Variants in ARID4B observed in about 807,000 individuals in gnomAD.
ARID4B encodes the protein AT-rich interactive domain-containing protein 4B.
ARID4B carries 26 observed loss-of-function variants against 147.5 expected under a neutral mutation model. That is an observed-to-expected ratio of 0.18 (90% CI 0.13 to 0.24). The LOEUF is 0.24. ARID4B is among the 10% of genes least tolerant of loss of function. The pLI is 1.00. For synonymous variants in ARID4B, 512 were observed against 507.9 expected (o/e 1.01, Z -0.11); for missense variants, 1,179 against 1,511.5 (o/e 0.78, Z 3.65).
At chr1:235,244,514 TA>T (rs888066089) in intron 7 of ARID4B, among the ~76,000 whole-genome samples, 5 of 152,038 alleles carry the variant, frequency 3.3e-5, no homozygotes, top group Admixed American at 2.0e-4. Flanking sequence ...TGATAATCAT[TA>T]AAAAAAGAAA....
chr1:235,302,861 C>T (rs1234405894), intron 2 of ARID4B, among the ~76,000 whole-genome samples: 1 of 152,182 alleles, frequency 6.6e-6, no homozygotes, highest in Non-Finnish European at 1.5e-5. Context: ...ACATTACTTG[C>T]CTAACATCAC....
In ARID4B at chr1:235,223,685, A is replaced by ATTT. The variant is rs58659735; in HGVS notation, c.971-428_971-426dup. ...AATAATGATTCTATAGTAAAGCTAC[A>ATTT]TTTTTTTTTTTTTTTCATTCTAACA... On this transcript the variant is annotated intron_variant, in intron 12 of 23. Coordinates refer to ENST00000264183, the MANE Select transcript of ARID4B (RefSeq NM_016374.6). 3.0e-3 allele frequency among the ~76,000 whole-genome samples: 399 copies of ATTT among 134,656 alleles called. 2 individuals are homozygous for ATTT. The highest frequency in any genetic ancestry group is 7.1e-3 in the African/African-American group (260 of 36,726). 88.3% of individuals were successfully genotyped at this position (134,656 alleles called of 152,430 possible).
At chr1:235,235,445 G>A (rs961002678) in intron 8 of ARID4B, among the ~76,000 whole-genome samples, 8 of 152,300 alleles carry the variant, frequency 5.3e-5, no homozygotes, top group Admixed American at 2.0e-4. Context: ...CCTGATGAGC[G>A]AAGGATTTCG....
chr1:235,188,066 C>A (rs959559475), intron 19 of ARID4B, among the ~76,000 whole-genome samples: 4 of 151,710 alleles, frequency 2.6e-5, no homozygotes, highest in African/African-American at 4.9e-5. Flanking sequence ...AGACTGCACA[C>A]ATGTGAGTGT....
intron 21 of ARID4B, among the ~76,000 whole-genome samples, chr1:235,177,166 T>C (rs1264669400): frequency 6.6e-6 from 1 of 152,240 alleles, no homozygotes; most frequent in Non-Finnish European, 1.5e-5. Context: ...GTTATACTTC[T>C]ATGCTGATTT....
intron 8 of ARID4B, among the ~76,000 whole-genome samples, chr1:235,237,638 C>T (rs377647591): frequency 6.6e-6 from 1 of 152,236 alleles, no homozygotes; most frequent in East Asian, 1.9e-4. Flanking sequence ...GTTTCTTTTT[C>T]ATTTGAGACC....
chr1:235,301,311 G>A (rs1673122508), intron 2 of ARID4B, among the ~76,000 whole-genome samples: 1 of 151,746 alleles, frequency 6.6e-6, no homozygotes, highest in Non-Finnish European at 1.5e-5. Flanking sequence ...GCCAAGGCGG[G>A]AGAATCGCTT....
rs942569141 is a variant in ARID4B, at chr1:235,224,651, C to T, written c.970+52G>A. On this transcript the variant is annotated intron_variant, in intron 12 of 23. Transcript: ENST00000264183. ...AAATTCTATTCTTATTTTTAAGATA[C>T]TAATTATCTGTCCAAAACTTACCAC... 23 of 1,215,706 alleles carry T rather than the reference C, an allele frequency of 1.9e-5. No individual in the cohort carries two copies. In the South Asian group the frequency reaches 2.8e-4, roughly 15 times the overall value. The allele number at this position is 1,215,706 out of a possible 1,614,324, so 75.3% of individuals were successfully genotyped here.
At chr1:235,296,478 CT>C (rs1398872518) in intron 2 of ARID4B, 2 of 116,342 alleles carry the variant, frequency 1.7e-5, no homozygotes, top group Non-Finnish European at 3.8e-5. Flanking sequence ...ATTTATTCTT[CT>C]CTTTTTTTTT....
Position 235,237,932 on chromosome 1 carries a change from C to T in ARID4B, c.585+2381G>A, listed in dbSNP as rs551363953. 5.3e-4 allele frequency among the ~76,000 whole-genome samples: 81 copies of T among 152,124 alleles called. 1 individual carries two copies. Among genetic ancestry groups the T allele is most frequent in the Admixed American group, 4.1e-3 (63 of 15,284 alleles). ...TTGGGAGGCTGAGGCGGGCAGATCACCTGAGGTCAGGAGTTGGAGACCAGC... is the reference window on the plus strand; with the variant it reads ...TTGGGAGGCTGAGGCGGGCAGATCATCTGAGGTCAGGAGTTGGAGACCAGC... On this transcript the variant is annotated intron_variant, in intron 8 of 23. Coordinates refer to ENST00000264183, the MANE Select transcript of ARID4B (RefSeq NM_016374.6).
chr1:235,311,257 G>A (rs1674027400), intron 2 of ARID4B, among the ~76,000 whole-genome samples: 1 of 151,808 alleles, frequency 6.6e-6, no homozygotes. Flanking sequence ...AGAGGCTGAG[G>A]TGGGAGGATC....
rs34808765 is a variant in ARID4B, at chr1:235,176,437, CAAAAAAAAAAAAAAAAAA to C, written c.3449-1056_3449-1039del. On this transcript the variant is annotated intron_variant, in intron 21 of 23. Coordinates refer to ENST00000264183, the MANE Select transcript of ARID4B (RefSeq NM_016374.6). ...CTGATTTTTCACTTAACAACATCAC[CAAAAAAAAAAAAAAAAAA>C]AAAAAAAAAAAAAGGAGTTAAACTC... Among the ~76,000 whole-genome samples the C allele has an allele frequency of 5.8e-4, 13 of 22,522 alleles. 1 individual carries two copies. The highest frequency in any genetic ancestry group is 9.9e-4 in the African/African-American group (10 of 10,062). 14.8% of individuals were successfully genotyped at this position (22,522 alleles called of 152,430 possible). A position where few individuals can be genotyped will look rare whatever the true frequency, so the allele number is the denominator to read the frequency against.
At chr1:235,215,134 C>T (rs1356640131) in intron 16 of ARID4B, among the ~76,000 whole-genome samples, 2 of 152,054 alleles carry the variant, frequency 1.3e-5, no homozygotes, top group Non-Finnish European at 2.9e-5. Context: ...CGTGAGCCAC[C>T]ACACCTGGCC....
intron 12 of ARID4B, among the ~76,000 whole-genome samples, chr1:235,223,881 C>T (rs1572018690): frequency 6.6e-6 from 1 of 151,924 alleles, no homozygotes; most frequent in African/African-American, 2.4e-5. Flanking sequence ...ATTTTCTTTG[C>T]TTTTTCATTT....
chr1:235,326,835 C>G lies in ARID4B; in HGVS notation c.6+79G>C. On this transcript the variant is annotated intron_variant, in intron 2 of 23. Transcript: ENST00000264183. ...CCTTCCTCTGCAAAACTCGGAAGCC[C>G]CACACGACGACCTCGTCGAAACCTC... 3 of 1,564,990 alleles carry G rather than the reference C, an allele frequency of 1.9e-6. No homozygotes were observed. In the South Asian group the frequency reaches 3.3e-5, roughly 17 times the overall value.
At chr1:235,248,551 A>C (rs1669446152) in intron 6 of ARID4B, among the ~76,000 whole-genome samples, 1 of 152,222 alleles carries the variant, frequency 6.6e-6, no homozygotes, top group Non-Finnish European at 1.5e-5. Context: ...CCGAAAATTA[A>C]GGTTGCTCTC....
Position 235,220,497 on chromosome 1 carries a change from A to T in ARID4B, c.1212T>A (p.Phe404Leu), listed in dbSNP as rs754487814. The T allele has an allele frequency of 1.2e-6, 2 of 1,612,436 alleles. No individual in the cohort carries two copies. Among genetic ancestry groups the T allele is most frequent in the Non-Finnish European group, 1.7e-6 (2 of 1,178,840 alleles). ...CAACTTTCTCTGGCAATGCCATCTG[A>T]AATTCAATGTTGGCTGATCTACAGT... ...EEYCRSANIE[F>L]QMALPEKVVN... Residue 404 changes from phenylalanine to leucine, a missense_variant, in exon 15 of 24, where the codon TTT becomes TTA. By Grantham distance (22) the Phe-to-Leu change is conservative. Around this residue, in one of 10 missense-constraint regions of ARID4B, gnomAD observed 204 missense variants for 210.9 expected, o/e 0.97. Coordinates refer to ENST00000264183, the MANE Select transcript of ARID4B (RefSeq NM_016374.6).
chr1:235,254,001 T>C (rs1669799092), intron 5 of ARID4B, among the ~76,000 whole-genome samples: 2 of 152,180 alleles, frequency 1.3e-5, no homozygotes, highest in South Asian at 4.1e-4. Flanking sequence ...CAAGTTACAT[T>C]ATGTGAAACT....
rs1558250449 is a variant in ARID4B, at chr1:235,255,224, TAGATAGATAG to T, written c.274+426_274+435del. Among the ~76,000 whole-genome samples the T allele has an allele frequency of 1.6e-4, 16 of 100,982 alleles. 1 individual carries two copies. The highest frequency in any genetic ancestry group is 6.6e-4 in the Admixed American group (6 of 9,114). 66.2% of individuals were successfully genotyped at this position (100,982 alleles called of 152,430 possible). ...ACTTTGTTTCCTGCTGGGAGCTAGA[TAGATAGATAG>T]ATAGATAGATAGATAGATAGATAGA... On this transcript the variant is annotated intron_variant, in intron 5 of 23. Transcript: ENST00000264183.
Sources: allele counts gnomAD v4.1 joint callset (sites outside exome capture counted in the v4.1 genomes callset), GRCh38; gene constraint gnomAD v4.1.1; regional missense constraint gnomAD v4.1.1; transcripts MANE v1.5; gene names NCBI Gene and HGNC (gene_info 2026-07-23, HGNC 2026-07-21).